Variants in ARFGEF2 observed in about 807,000 individuals in gnomAD.
ARFGEF2 encodes the protein brefeldin A-inhibited guanine nucleotide-exchange protein 2.
ARFGEF2 carries 74 observed loss-of-function variants against 219.9 expected under a neutral mutation model. That is an observed-to-expected ratio of 0.34 (90% CI 0.28 to 0.41). The LOEUF is 0.41. Ranked by LOEUF, ARFGEF2 falls within the 10% of genes least tolerant of loss-of-function variation. The probability of loss-of-function intolerance (pLI) is 1.00; values close to 1 mark genes in which losing one functional copy is unlikely to be tolerated. For missense variants in ARFGEF2, 1,743 were observed against 2,218.3 expected (o/e 0.79, Z 4.30); for synonymous variants, 733 against 799.2 (o/e 0.92, Z 1.40).
At chr20:49,008,391 C>T (rs183109195) in intron 26 of ARFGEF2, among the ~76,000 whole-genome samples, 121 of 151,650 alleles carry the variant, frequency 8.0e-4, no homozygotes, top group Non-Finnish European at 1.5e-3. Flanking sequence ...GCTGAAACCC[C>T]GTCTCTACTA....
chr20:48,953,231 A>G (rs776763132), intron 5 of ARFGEF2, among the ~76,000 whole-genome samples: 36 of 145,690 alleles, frequency 2.5e-4, no homozygotes, highest in Non-Finnish European at 4.3e-4. Flanking sequence ...GCTGGAGCGC[A>G]GTGACAGGAT....
At chr20:48,971,076 T>A in intron 9 of ARFGEF2, 44 bp from the exon 10 acceptor site, 2 of 1,534,748 alleles carry the variant, frequency 1.3e-6, no homozygotes, top group Non-Finnish European at 1.8e-6. Context: ...CTGTTTGACA[T>A]TTTTTCTTTT....
chr20:48,970,439 T>G (rs1333405183), intron 9 of ARFGEF2, among the ~76,000 whole-genome samples: 1 of 151,130 alleles, frequency 6.6e-6, no homozygotes. Context: ...TGAAACCCCA[T>G]CTCTACTAAA....
chr20:49,005,912 C>T (rs1029656769), intron 26 of ARFGEF2, among the ~76,000 whole-genome samples: 1 of 152,090 alleles, frequency 6.6e-6, no homozygotes, highest in African/African-American at 2.4e-5. Flanking sequence ...ATACCGGGCC[C>T]TGTGAAGCAG....
At chr20:49,021,134 G>A (rs1259135940) in intron 34 of ARFGEF2, among the ~76,000 whole-genome samples, 3 of 152,030 alleles carry the variant, frequency 2.0e-5, no homozygotes, top group African/African-American at 7.2e-5. Flanking sequence ...AGGTGCAGTG[G>A]CTCACACCTG....
At chr20:49,024,857 A>G (rs567201492) in intron 35 of ARFGEF2, among the ~76,000 whole-genome samples, 3 of 152,274 alleles carry the variant, frequency 2.0e-5, no homozygotes, top group South Asian at 4.1e-4. Context: ...TGAGCTGGGC[A>G]TGGTGGCGAG....
intron 1 of ARFGEF2, among the ~76,000 whole-genome samples, chr20:48,930,171 G>T (rs895124431): frequency 5.3e-5 from 8 of 152,214 alleles, no homozygotes; most frequent in Non-Finnish European, 1.0e-4. Flanking sequence ...TCTGGCCAGG[G>T]TCATCCTATG....
At chr20:48,972,055 C>T (rs2091231856) in intron 10 of ARFGEF2, among the ~76,000 whole-genome samples, 1 of 152,176 alleles carries the variant, frequency 6.6e-6, no homozygotes, top group Non-Finnish European at 1.5e-5. Flanking sequence ...TCCTATTTTA[C>T]ATGAAAATCC....
rs151091296 is a variant in ARFGEF2, at chr20:49,022,099, G to A, written c.4625-952G>A. On this transcript the variant is annotated intron_variant, in intron 34 of 38. Transcript: ENST00000371917. ...GAACCCGGGAGGCAGAGGTTGCAGT[G>A]AGCTGAGATCATGCCACTGCACTCC... is the stretch of plus-strand genomic sequence containing the variant. 8.8e-3 allele frequency among the ~76,000 whole-genome samples: 1,198 copies of A among 136,156 alleles called. 12 individuals carry two copies. Among genetic ancestry groups the A allele is most frequent in the African/African-American group, 0.031 (1,111 of 36,200 alleles). The allele number at this position is 136,156 out of a possible 152,430, so 89.3% of individuals were successfully genotyped here.
intron 3 of ARFGEF2, among the ~76,000 whole-genome samples, chr20:48,950,889 T>G (rs902153520): frequency 6.8e-6 from 1 of 147,326 alleles, no homozygotes; most frequent in African/African-American, 2.5e-5. Flanking sequence ...CACAAAATTT[T>G]GTGATTTTTA....
chr20:48,989,624 C>T lies in ARFGEF2; in HGVS notation c.2754C>T (p.Ala918=), dbSNP rs769392468. The T allele has an allele frequency of 1.8e-5, 29 of 1,614,070 alleles. 1 individual carries two copies. Among genetic ancestry groups the T allele is most frequent in the Middle Eastern group, 3.3e-4 (2 of 6,084 alleles). ...GLQNCDDTEV[A]SLCLEGIRCA... ...AGAACTGTGATGACACTGAAGTGGCCTCCTTGTGTTTGGAAGGCATCCGAT... is the reference window on the plus strand; with the variant it reads ...AGAACTGTGATGACACTGAAGTGGCTTCCTTGTGTTTGGAAGGCATCCGAT... Residue 918 remains alanine, a synonymous_variant, in exon 20 of 39, where the codon GCC becomes GCT. Coordinates refer to ENST00000371917, the MANE Select transcript of ARFGEF2 (RefSeq NM_006420.3).
At chr20:48,930,184 G>A (rs1453858692) in intron 1 of ARFGEF2, among the ~76,000 whole-genome samples, 3 of 152,174 alleles carry the variant, frequency 2.0e-5, no homozygotes, top group South Asian at 4.1e-4. Flanking sequence ...ATCCTATGGC[G>A]GAAGGCGAGA....
In ARFGEF2 at chr20:48,963,268, G is replaced by A. The variant is rs556597547; in HGVS notation, c.839-562G>A. Among the ~76,000 whole-genome samples the A allele has an allele frequency of 4.6e-5, 7 of 152,052 alleles. No homozygotes were observed. The East Asian group carries it at 7.7e-4, about 17-fold the overall frequency. On this transcript the variant is annotated intron_variant, in intron 6 of 38. Transcript: ENST00000371917. The stretch of plus-strand genomic sequence containing the variant: ...TTTCCCAGAGCTAGTTTTCTGCGGC[G>A]GGGGGAGTAAGAGATACTGAACCTC...
intron 7 of ARFGEF2, among the ~76,000 whole-genome samples, chr20:48,964,766 A>G (rs907925749): frequency 2.0e-5 from 3 of 152,218 alleles, no homozygotes; most frequent in Non-Finnish European, 4.4e-5. Context: ...TATATGTTGA[A>G]CACTTTGTTC....
intron 1 of ARFGEF2, among the ~76,000 whole-genome samples, chr20:48,936,244 C>T (rs1325859306): frequency 7.3e-6 from 1 of 137,408 alleles, no homozygotes; most frequent in African/African-American, 2.8e-5. Context: ...GCTGGCCGGG[C>T]GGGGGGCTGA....
intron 37 of ARFGEF2, among the ~76,000 whole-genome samples, chr20:49,030,756 T>A (rs2091629431): frequency 6.6e-6 from 1 of 152,088 alleles, no homozygotes; most frequent in African/African-American, 2.4e-5. Context: ...CCCAGCACTT[T>A]GGGAGGCCGA....
intron 21 of ARFGEF2, among the ~76,000 whole-genome samples, chr20:48,992,157 T>C (rs1365690750): frequency 6.6e-6 from 1 of 152,170 alleles, no homozygotes; most frequent in Admixed American, 6.5e-5. Flanking sequence ...GGGAAAATGG[T>C]CACAGTAAAA....
intron 6 of ARFGEF2, among the ~76,000 whole-genome samples, chr20:48,954,261 G>A (rs1176970514): frequency 6.6e-6 from 1 of 152,168 alleles, no homozygotes; most frequent in African/African-American, 2.4e-5. Flanking sequence ...TGGACAGATA[G>A]CTTTGTTTTC....
chr20:48,947,261 G>A (rs1250913162), intron 3 of ARFGEF2, among the ~76,000 whole-genome samples: 1 of 151,954 alleles, frequency 6.6e-6, no homozygotes, highest in Admixed American at 6.6e-5. Context: ...TTAGCTGGGT[G>A]TGGTAGCACA....
Sources: gnomAD v4.1 joint callset for allele counts (sites outside exome capture counted in the v4.1 genomes callset) on GRCh38, gnomAD v4.1.1 for gene constraint, MANE v1.5 for transcripts, NCBI Gene and HGNC (gene_info 2026-07-23, HGNC 2026-07-21) for gene names.